The following NUDT3 variants were observed in gnomAD, a reference collection of about 807,000 sequenced individuals.
NUDT3 encodes the protein nudix hydrolase 3.
Under a neutral mutation model 23.6 loss-of-function variants are expected in NUDT3, and 9 were observed. The observed-to-expected ratio is 0.38, with a 90% CI of 0.23 to 0.66. The LOEUF (loss-of-function observed/expected upper bound fraction) is 0.66. Among genes scored for constraint, NUDT3 ranks in the 30% least tolerant of loss-of-function variants. The pLI, the probability that NUDT3 is intolerant of heterozygous loss-of-function variation, is 0.52. For missense variants in NUDT3, 172 were observed against 218.5 expected, an observed-to-expected ratio of 0.79 and a Z score of 1.34; for synonymous variants, 86 against 82.6, an observed-to-expected ratio of 1.04 and a Z score of -0.22.
At chr6:34,327,773 C>A (rs2113723615) in intron 2 of NUDT3, among the ~76,000 whole-genome samples, 1 of 152,180 alleles carries the variant, frequency 6.6e-6, no homozygotes, top group East Asian at 1.9e-4. Context: ...TTCCCTGACT[C>A]CTCCAAGGAA....
intron 2 of NUDT3, among the ~76,000 whole-genome samples, chr6:34,300,419 G>A (rs1763581851): frequency 6.6e-6 from 1 of 152,218 alleles, no homozygotes; most frequent in Admixed American, 6.5e-5. Flanking sequence ...TGTACTTTGA[G>A]ATGGTATGCC....
At chr6:34,358,538 G>C (rs1190143204) in intron 1 of NUDT3, among the ~76,000 whole-genome samples, 5 of 151,882 alleles carry the variant, frequency 3.3e-5, no homozygotes, top group African/African-American at 1.2e-4. Context: ...ATTTTCACAG[G>C]TTAGTATTAA....
chr6:34,370,891 G>A (rs1321166554), intron 1 of NUDT3, among the ~76,000 whole-genome samples: 2 of 150,068 alleles, frequency 1.3e-5, no homozygotes, highest in East Asian at 2.0e-4. Context: ...ATCACCTGAG[G>A]TCAGGAGTTC....
At chr6:34,342,099 C>T (rs919967885) in intron 1 of NUDT3, 127 bp from the exon 2 acceptor site, 3 of 780,766 alleles carry the variant, frequency 3.8e-6, no homozygotes, top group African/African-American at 3.5e-5. Context: ...CTTCCCAAAT[C>T]ACTTCTTGCA....
In NUDT3 at chr6:34,339,912, G is replaced by A. The variant is rs866184451; in HGVS notation, c.210+1950C>T. Among the ~76,000 whole-genome samples the A allele has an allele frequency of 2.0e-5, 3 of 152,142 alleles. No homozygotes were observed. In the South Asian group the frequency reaches 6.2e-4, roughly 31 times the overall value. Reference sequence around the variant, plus strand: ...TTTAAATTGCTTTAAAGTCTAAGAGGTTTCTCAAAGTCAAATCCTAGACGG... The same window carrying A: ...TTTAAATTGCTTTAAAGTCTAAGAGATTTCTCAAAGTCAAATCCTAGACGG... On this transcript the variant is annotated intron_variant, in intron 2 of 4. Transcript: ENST00000607016.
intron 1 of NUDT3, among the ~76,000 whole-genome samples, chr6:34,357,078 A>T (rs1395653960): frequency 6.6e-6 from 1 of 152,134 alleles, no homozygotes. Context: ...CGCCCGGCCA[A>T]ATTGTGGTTA....
At chr6:34,345,988 C>T (rs1047954706) in intron 1 of NUDT3, among the ~76,000 whole-genome samples, 1 of 151,962 alleles carries the variant, frequency 6.6e-6, no homozygotes, top group East Asian at 1.9e-4. Flanking sequence ...AGGCTGGTCT[C>T]GAACTCCCGA....
chr6:34,300,405 G>A (rs1015738900), intron 2 of NUDT3, among the ~76,000 whole-genome samples: 3 of 152,196 alleles, frequency 2.0e-5, no homozygotes, highest in African/African-American at 7.2e-5. Flanking sequence ...GGTGGGGGTT[G>A]TGGTGTACTT....
intron 1 of NUDT3, among the ~76,000 whole-genome samples, chr6:34,378,740 A>G (rs1200332365): frequency 6.6e-6 from 1 of 152,204 alleles, no homozygotes; most frequent in Non-Finnish European, 1.5e-5. Context: ...CCGCATCCAC[A>G]TGGCCACACC....
At position 34,287,599 on chromosome 6, in the gene NUDT3, T is replaced by C. The variant is rs937760100; in HGVS notation, c.*1154A>G. 2.0e-5 allele frequency: 3 copies of C among 152,178 alleles called. No individual in the cohort carries two copies. The highest frequency in any genetic ancestry group is 4.4e-5 in the Non-Finnish European group (3 of 68,066). The allele number at this position is 152,178 out of a possible 1,614,324, so 9.4% of individuals were successfully genotyped here. On this transcript the variant is annotated 3_prime_UTR_variant, in exon 5 of 5. Transcript: ENST00000607016. ...ATACAAAGACAAGCAAGCAGGTGAATTTCCCTAGTGTACTTTTCAGGAACA... is the reference window on the plus strand; with the variant it reads ...ATACAAAGACAAGCAAGCAGGTGAACTTCCCTAGTGTACTTTTCAGGAACA...
chr6:34,343,214 C>G (rs1440235928), intron 1 of NUDT3, among the ~76,000 whole-genome samples: 2 of 151,860 alleles, frequency 1.3e-5, no homozygotes, highest in African/African-American at 4.8e-5. Context: ...ACTATGAAAT[C>G]CACAGTAGTT....
chr6:34,354,210 G>A, intron 1 of NUDT3, among the ~76,000 whole-genome samples: 1 of 151,754 alleles, frequency 6.6e-6, no homozygotes, highest in Non-Finnish European at 1.5e-5. Flanking sequence ...GAGCCACTGC[G>A]CCTGGTCCCA....
intron 2 of NUDT3, among the ~76,000 whole-genome samples, chr6:34,307,129 T>C (rs914336102): frequency 2.6e-5 from 4 of 152,090 alleles, no homozygotes; most frequent in Non-Finnish European, 5.9e-5. Flanking sequence ...TTCTGAAACA[T>C]TGGGTGTGAT....
chr6:34,371,557 T>C (rs1407793276), intron 1 of NUDT3, among the ~76,000 whole-genome samples: 2 of 152,214 alleles, frequency 1.3e-5, no homozygotes, highest in Admixed American at 1.3e-4. Context: ...CAATCACTAC[T>C]AAATTGTTAT....
rs931981309 is a variant in NUDT3 at position 34,288,089 on chromosome 6, T to A, written c.*664A>T. On this transcript the variant is annotated 3_prime_UTR_variant, in exon 5 of 5. Coordinates refer to ENST00000607016, the MANE Select transcript of NUDT3 (RefSeq NM_006703.4). ...ATATCTACAGTCAATGACTGGGAAATAGAGAAAGGACAGGGCAACCTGCCC... is the reference window on the plus strand; with the variant it reads ...ATATCTACAGTCAATGACTGGGAAAAAGAGAAAGGACAGGGCAACCTGCCC... 1 of 151,962 alleles carries A rather than the reference T, an allele frequency of 6.6e-6. No homozygotes were observed. The highest frequency in any genetic ancestry group is 1.5e-5 in the Non-Finnish European group (1 of 67,968). 9.4% of individuals were successfully genotyped at this position (151,962 alleles called of 1,614,324 possible). A position where few individuals can be genotyped will look rare whatever the true frequency, so the allele number is the denominator to read the frequency against.
At chr6:34,326,788 A>G (rs185497165) in intron 2 of NUDT3, among the ~76,000 whole-genome samples, 108 of 152,174 alleles carry the variant, frequency 7.1e-4, no homozygotes, top group Non-Finnish European at 9.4e-4. Context: ...TTTAGTAGAG[A>G]CAGGGTTTCA....
At chr6:34,288,980 T>G (rs753292064) in intron 4 of NUDT3, 49 bp from the exon 5 acceptor site, 32 of 1,520,848 alleles carry the variant, frequency 2.1e-5, no homozygotes, top group Non-Finnish European at 2.6e-5. Context: ...ATAAGGTTTC[T>G]GAGCCTAGAA....
In NUDT3 at chr6:34,337,133, T is replaced by C. The variant is rs1764219756; in HGVS notation, c.210+4729A>G. Among the ~76,000 whole-genome samples, 3 of 152,178 alleles carry C rather than the reference T, an allele frequency of 2.0e-5. No homozygotes were observed. In the South Asian group the frequency reaches 6.2e-4, roughly 31 times the overall value. On this transcript the variant is annotated intron_variant, in intron 2 of 4. Transcript: ENST00000607016. ...TTCTCTTATTTTTATTGTTTGTACA[T>C]TTTATTTGGATACTTATTCTAAAGT...
At position 34,321,630 on chromosome 6, in the gene NUDT3, C is replaced by T. The variant is rs7773228; in HGVS notation, c.210+20232G>A. Among the ~76,000 whole-genome samples the T allele has an allele frequency of 6.2e-3, 939 of 152,052 alleles. 10 individuals carry two copies. Among genetic ancestry groups the T allele is most frequent in the African/African-American group, 0.021 (889 of 41,442 alleles). ...TTATTTCTTCTCTGCTTAGAAGTGGCAAATCTCAGGGAAGATCGACCACCA... is the reference window on the plus strand; with the variant it reads ...TTATTTCTTCTCTGCTTAGAAGTGGTAAATCTCAGGGAAGATCGACCACCA... On this transcript the variant is annotated intron_variant, in intron 2 of 4. Coordinates refer to ENST00000607016, the MANE Select transcript of NUDT3 (RefSeq NM_006703.4).
Sources: gnomAD v4.1 joint callset for allele counts (sites outside exome capture counted in the v4.1 genomes callset) on GRCh38, gnomAD v4.1.1 for gene constraint, MANE v1.5 for transcripts, NCBI Gene and HGNC (gene_info 2026-07-23, HGNC 2026-07-21) for gene names.